The following CADPS2 variants were observed in gnomAD, a reference collection of about 807,000 sequenced individuals.
The protein encoded by CADPS2 is calcium dependent secretion activator 2.
A neutral mutation model predicts 172.5 loss-of-function variants in CADPS2; 93 were observed. The observed-to-expected ratio is 0.54, with a 90% CI of 0.46 to 0.64. CADPS2 has a LOEUF of 0.64. Ranked by LOEUF, CADPS2 falls within the 30% of genes least tolerant of loss-of-function variation. The probability of loss-of-function intolerance (pLI) is 0.00; values close to 1 mark genes in which losing one functional copy is unlikely to be tolerated. For synonymous variants in CADPS2, 546 were observed against 555.2 expected (o/e 0.98, Z 0.23); for missense variants, 1,420 against 1,565.9 (o/e 0.91, Z 1.57).
rs182491283 is a variant in CADPS2 at position 122,777,396 on chromosome 7, C to T, written c.340-40328G>A. On this transcript the variant is annotated intron_variant, in intron 1 of 29. Coordinates refer to ENST00000449022, the MANE Select transcript of CADPS2 (RefSeq NM_017954.11). ...CATTCCAGGCAACAAGAGAAAAAGG[C>T]GACACCTTGTAACTTTATTCATTAT... Among the ~76,000 whole-genome samples, 37 of 152,170 alleles carry T rather than the reference C, an allele frequency of 2.4e-4. No individual in the cohort carries two copies. In the East Asian group the frequency reaches 3.3e-3, roughly 14 times the overall value.
At chr7:122,414,907 G>A (rs186269814) in intron 18 of CADPS2, among the ~76,000 whole-genome samples, 26 of 152,162 alleles carry the variant, frequency 1.7e-4, no homozygotes, top group Middle Eastern at 3.4e-3. Flanking sequence ...CTCATTTCAT[G>A]TGCTTCCTCA....
rs568341725 is a variant in CADPS2 at position 122,684,630 on chromosome 7, T to C, written c.454-21061A>G. On this transcript the variant is annotated intron_variant, in intron 2 of 29. Transcript: ENST00000449022. ...TGGATGAGAAATCAATAAATACCAG[T>C]CCTTTGCTGCTGATAAAATACCTCA... 2.6e-5 allele frequency among the ~76,000 whole-genome samples: 4 copies of C among 152,132 alleles called. No homozygotes were observed. The South Asian group carries it at 8.3e-4, about 32-fold the overall frequency.
chr7:122,561,573 G>A (rs886920634), intron 7 of CADPS2, among the ~76,000 whole-genome samples: 2 of 152,054 alleles, frequency 1.3e-5, no homozygotes, highest in Non-Finnish European at 2.9e-5. Context: ...TATGAAGGGG[G>A]CATTAGGCAA....
At chr7:122,774,046 T>C (rs1281855378) in intron 1 of CADPS2, among the ~76,000 whole-genome samples, 8 of 152,036 alleles carry the variant, frequency 5.3e-5, no homozygotes, top group Non-Finnish European at 1.5e-5. Flanking sequence ...AAAATCAGTG[T>C]AGTTCAGAGA....
At chr7:122,528,904 C>T (rs935412168) in intron 8 of CADPS2, among the ~76,000 whole-genome samples, 6 of 151,922 alleles carry the variant, frequency 3.9e-5, no homozygotes, top group East Asian at 1.9e-4. Context: ...AATGAACTAC[C>T]ACTTCACTTC....
chr7:122,412,476 G>T (rs1198890817), intron 19 of CADPS2, among the ~76,000 whole-genome samples: 1 of 152,084 alleles, frequency 6.6e-6, no homozygotes, highest in Non-Finnish European at 1.5e-5. Flanking sequence ...TGATATTTAG[G>T]GGAATGCACA....
chr7:122,467,612 G>GT (rs1237454329), intron 14 of CADPS2, among the ~76,000 whole-genome samples: 2 of 152,182 alleles, frequency 1.3e-5, no homozygotes, highest in Middle Eastern at 3.2e-3. Context: ...CTGAGCTGGC[G>GT]TTTGTCAGGC....
intron 2 of CADPS2, among the ~76,000 whole-genome samples, chr7:122,688,501 T>C (rs1198079263): frequency 1.3e-5 from 2 of 152,080 alleles, no homozygotes; most frequent in Non-Finnish European, 2.9e-5. Flanking sequence ...GAGACATAGG[T>C]AGATGAAATA....
intron 1 of CADPS2, among the ~76,000 whole-genome samples, chr7:122,837,900 A>G (rs1329939757): frequency 6.6e-6 from 1 of 152,222 alleles, no homozygotes; most frequent in Non-Finnish European, 1.5e-5. Flanking sequence ...ATCAACAGAA[A>G]AAGAGGGAAT....
At chr7:122,525,948 G>A (rs1263458603) in intron 8 of CADPS2, among the ~76,000 whole-genome samples, 1 of 152,018 alleles carries the variant, frequency 6.6e-6, no homozygotes, top group African/African-American at 2.4e-5. Context: ...TAATCTTATG[G>A]GATCACTGTC....
At chr7:122,824,761 G>A (rs1192913478) in intron 1 of CADPS2, among the ~76,000 whole-genome samples, 1 of 152,118 alleles carries the variant, frequency 6.6e-6, no homozygotes, top group Non-Finnish European at 1.5e-5. Context: ...ATCATATACA[G>A]GAGAGTTTCC....
intron 2 of CADPS2, among the ~76,000 whole-genome samples, chr7:122,672,310 C>T (rs1296544429): frequency 2.0e-5 from 3 of 152,156 alleles, no homozygotes; most frequent in African/African-American, 7.2e-5. Flanking sequence ...CTCCAGGCGT[C>T]GGTGGTCACC....
intron 1 of CADPS2, among the ~76,000 whole-genome samples, chr7:122,767,064 G>T (rs2138945491): frequency 6.6e-6 from 1 of 152,266 alleles, no homozygotes; most frequent in South Asian, 2.1e-4. Flanking sequence ...AACAATAGTT[G>T]AGAGACAGTT....
At chr7:122,470,140 G>C (rs1322508148) in intron 14 of CADPS2, among the ~76,000 whole-genome samples, 5 of 152,106 alleles carry the variant, frequency 3.3e-5, no homozygotes, top group Non-Finnish European at 7.4e-5. Context: ...TTTTGAAGAA[G>C]AGTGTGGTAA....
chr7:122,503,697 A>G (rs1437403192), intron 9 of CADPS2, among the ~76,000 whole-genome samples: 1 of 152,122 alleles, frequency 6.6e-6, no homozygotes, highest in East Asian at 1.9e-4. Flanking sequence ...TGTTCTTATA[A>G]GTACTTTTTT....
chr7:122,538,731 T>C (rs2062600390), intron 8 of CADPS2, among the ~76,000 whole-genome samples: 1 of 152,038 alleles, frequency 6.6e-6, no homozygotes, highest in Non-Finnish European at 1.5e-5. Context: ...AAATACTTAG[T>C]GAAATTAAGT....
chr7:122,704,934 G>T (rs895765563), intron 2 of CADPS2, among the ~76,000 whole-genome samples: 2 of 151,902 alleles, frequency 1.3e-5, no homozygotes, highest in African/African-American at 4.8e-5. Flanking sequence ...CACATAATAA[G>T]AAATTATGTG....
intron 20 of CADPS2, among the ~76,000 whole-genome samples, chr7:122,404,151 C>T (rs182995499): frequency 6.6e-6 from 1 of 152,052 alleles, no homozygotes; most frequent in East Asian, 1.9e-4. Context: ...CCTCTCCCCA[C>T]CCCATAACAG....
Position 122,319,624 on chromosome 7 carries a change from C to T in CADPS2, c.*541G>A, listed in dbSNP as rs143616363. The T allele has an allele frequency of 6.6e-6, 1 of 152,108 alleles. No homozygotes were observed. The highest frequency in any genetic ancestry group is 1.5e-5 in the Non-Finnish European group (1 of 68,040). 9.4% of individuals were successfully genotyped at this position (152,108 alleles called of 1,614,324 possible). On this transcript the variant is annotated 3_prime_UTR_variant, in exon 30 of 30. Transcript: ENST00000449022. ...TATACCTGTAGACCAATTCAAAGTA[C>T]TAAGAACCAAGATTAAAGATTTTAT...
Sources: allele counts gnomAD v4.1 joint callset (sites outside exome capture counted in the v4.1 genomes callset), GRCh38; gene constraint gnomAD v4.1.1; transcripts MANE v1.5; gene names NCBI Gene and HGNC (gene_info 2026-07-23, HGNC 2026-07-21).